PRDM4: variants seen among roughly 807,000 people sequenced by gnomAD.
The protein encoded by PRDM4 is PR/SET domain 4.
Under a neutral mutation model 62.3 loss-of-function variants are expected in PRDM4, and 38 were observed. The observed-to-expected ratio is 0.61, with a 90% CI of 0.47 to 0.80. The LOEUF is 0.80. Ranked by LOEUF, PRDM4 falls within the 30% of genes least tolerant of loss-of-function variation. The pLI, the probability that PRDM4 is intolerant of heterozygous loss-of-function variation, is 0.00. For missense variants in PRDM4, 858 were observed against 997.1 expected (o/e 0.86, Z 1.88); for synonymous variants, 339 against 348.2 (o/e 0.97, Z 0.30).
intron 2 of PRDM4, 22 bp downstream of exon 2, chr12:107,760,483 T>TC: frequency 6.2e-7 from 1 of 1,613,398 alleles, no homozygotes; most frequent in Non-Finnish European, 8.5e-7. Context: ...TCACCAGTGC[T>TC]GAAGCCCACC....
chr12:107,758,452 G>A (rs1464838676), intron 2 of PRDM4: 1 of 151,854 alleles, frequency 6.6e-6, no homozygotes, highest in Admixed American at 6.6e-5. Context: ...GTCTCCCTAT[G>A]TTGCCCAGGC....
intron 11 of PRDM4, among the ~76,000 whole-genome samples, chr12:107,736,320 T>C (rs925606456): frequency 6.6e-6 from 1 of 152,112 alleles, no homozygotes; most frequent in Admixed American, 6.5e-5. Flanking sequence ...AGGGGTCCTA[T>C]TTTAGATAAG....
At chr12:107,746,226 A>G (rs200886746) in intron 6 of PRDM4, 49 bp downstream of exon 6, 1 of 1,595,182 alleles carries the variant, frequency 6.3e-7, no homozygotes. Context: ...ACTCTACGCT[A>G]CAAAGGAAGA....
rs1206854027 is a variant in PRDM4 at position 107,734,512 on chromosome 12, T to A, written c.2104A>T (p.Ile702Phe). Reference sequence around the variant, plus strand: ...AGCTTATCACACTTGGGACACTTGATCTGGCGTTCTCTAAGAGGAACACAA... The same window carrying A: ...AGCTTATCACACTTGGGACACTTGAACTGGCGTTCTCTAAGAGGAACACAA... ...HVLIHTQERQIKCPKCDKLFL... is the reference protein window; with the variant it reads ...HVLIHTQERQFKCPKCDKLFL... Residue 702 changes from isoleucine to phenylalanine, a missense_variant, in exon 12 of 12, where the codon ATC becomes TTC. By Grantham distance (21) the Ile-to-Phe change is conservative. Coordinates refer to ENST00000228437, the MANE Select transcript of PRDM4 (RefSeq NM_012406.4). 2.5e-6 allele frequency: 4 copies of A among 1,609,820 alleles called. No homozygotes were observed. The highest frequency in any genetic ancestry group is 1.3e-5 in the African/African-American group (1 of 74,690).
chr12:107,739,288 G>A, intron 11 of PRDM4, 95 bp downstream of exon 11: 1 of 1,402,854 alleles, frequency 7.1e-7, no homozygotes, highest in Non-Finnish European at 9.8e-7. Flanking sequence ...AAACAGATGA[G>A]CCAGGACTCC....
chr12:107,734,350 T>C lies in PRDM4; in HGVS notation c.2266A>G (p.Thr756Ala), dbSNP rs769699258. The stretch of plus-strand genomic sequence containing the variant: ...TCCTCTGGTGCTGACGAACTGGAGG[T>C]GGGCCCTTTGCAGGTTTTCAGGTGG... ...TRHLKTCKGPTSSSSAPEEEE... is the reference protein window; with the variant it reads ...TRHLKTCKGPASSSSAPEEEE... Residue 756 changes from threonine (T) to alanine (A), a missense_variant, in exon 12 of 12, where the codon ACC (threonine) becomes GCC (alanine). Around this residue, in one of 3 missense-constraint regions of PRDM4, gnomAD observed 355 missense variants for 432.6 expected, o/e 0.82. Transcript: ENST00000228437. 33 of 1,614,036 alleles carry C rather than the reference T, an allele frequency of 2.0e-5. No homozygotes were observed. The East Asian group carries it at 7.1e-4, about 35-fold the overall frequency.
chr12:107,738,878 A>AAC (rs111582421), intron 11 of PRDM4, among the ~76,000 whole-genome samples: 8,300 of 146,908 alleles, frequency 0.056, 437 homozygotes, highest in African/African-American at 0.14. Context: ...AATTCAGACA[A>AAC]ACACACACAC....
At position 107,743,249 on chromosome 12, in the gene PRDM4, T is replaced by C. The variant is rs1890578921; in HGVS notation, c.1429A>G (p.Ile477Val). The C allele has an allele frequency of 1.2e-6, 2 of 1,613,516 alleles. No individual in the cohort carries two copies. The highest frequency in any genetic ancestry group is 1.7e-6 in the Non-Finnish European group (2 of 1,179,472). Residue 477 changes from isoleucine (I) to valine (V), a missense_variant, in exon 8 of 12, where the codon ATT (isoleucine) becomes GTT (valine). Physicochemically the swap from Ile to Val is conservative, Grantham distance 29. Around this residue, in one of 3 missense-constraint regions of PRDM4, gnomAD observed 355 missense variants for 432.6 expected, o/e 0.82. Coordinates refer to ENST00000228437, the MANE Select transcript of PRDM4 (RefSeq NM_012406.4). ...TTACATTCATTTTCATCAGTTGTAA[T>C]GATGCAGAATTCTAGGACACCATTG... is the stretch of plus-strand genomic sequence containing the variant. ...YHNGVLEFCI[I>V]TTDENECNWM...
In PRDM4 at chr12:107,752,002, G is replaced by A. The variant is rs776182952; in HGVS notation, c.539C>T (p.Pro180Leu). 1.9e-6 allele frequency: 3 copies of A among 1,614,186 alleles called. No individual in the cohort carries two copies. The highest frequency in any genetic ancestry group is 2.5e-6 in the Non-Finnish European group (3 of 1,180,014). ...VNTHGAQSLH[P>L]SDGHEVALDT... ...CAAGGCCACCTCATGGCCATCACTG[G>A]GATGAAGACTTTGGGCACCATGTGT... The change falls in exon 5 of 12, where the codon CCC becomes CTC. Residue 180 changes from proline (P) to leucine (L), a missense_variant. Around this residue, in one of 3 missense-constraint regions of PRDM4, gnomAD observed 499 missense variants for 546.7 expected, o/e 0.91. Transcript: ENST00000228437.
At chr12:107,739,264 G>T in intron 11 of PRDM4, 119 bp downstream of exon 11, 1 of 1,140,120 alleles carries the variant, frequency 8.8e-7, no homozygotes, top group Non-Finnish European at 1.2e-6. Context: ...CATCTACCAT[G>T]GTACCAAGGC....
At chr12:107,746,018 C>T (rs1340411498) in intron 6 of PRDM4, among the ~76,000 whole-genome samples, 2 of 152,136 alleles carry the variant, frequency 1.3e-5, no homozygotes, top group African/African-American at 4.8e-5. Context: ...AAAGTTAAAT[C>T]TTCAAAGACT....
chr12:107,756,896 C>T lies in PRDM4; in HGVS notation c.81G>A (p.Leu27=). ...ATCCCAGGTGACTTCCTGAGACTGGCAAGGCATTGCTCACAGAGGATGAAG... is the reference window on the plus strand; with the variant it reads ...ATCCCAGGTGACTTCCTGAGACTGGTAAGGCATTGCTCACAGAGGATGAAG... ...QLTSSSVSNA[L]PVSGSHLGLA... Residue 27 remains leucine (L), a synonymous_variant, in exon 3 of 12, where the codon TTG becomes TTA. Transcript: ENST00000228437. 5.0e-6 allele frequency: 8 copies of T among 1,614,156 alleles called. No homozygotes were observed. The African/African-American group carries it at 6.7e-5, about 13-fold the overall frequency.
chr12:107,756,261 A>C (rs1041633823), intron 3 of PRDM4, among the ~76,000 whole-genome samples: 5 of 151,076 alleles, frequency 3.3e-5, no homozygotes, highest in African/African-American at 1.2e-4. Flanking sequence ...CTCCATTTCA[A>C]AAAAAAAAGG....
At chr12:107,752,748 T>A (rs1890936046) in intron 4 of PRDM4, among the ~76,000 whole-genome samples, 2 of 152,218 alleles carry the variant, frequency 1.3e-5, no homozygotes, top group Non-Finnish European at 2.9e-5. Context: ...TGCTAAAACT[T>A]CTTTGTGAAG....
Position 107,734,034 on chromosome 12 carries a change from A to C in PRDM4, c.*176T>G, listed in dbSNP as rs1890247845. On this transcript the variant is annotated 3_prime_UTR_variant, in exon 12 of 12. Transcript: ENST00000228437. ...ATGCTCAGTTTTCCCAATCTGTTTT[A>C]AAGTGTTTTCATTAGGATACTCTTC... 3.1e-6 allele frequency: 2 copies of C among 653,590 alleles called. No homozygotes were observed. Among genetic ancestry groups the C allele is most frequent in the Non-Finnish European group, 5.0e-6 (2 of 398,812 alleles). The allele number at this position is 653,590 out of a possible 1,614,324, so 40.5% of individuals were successfully genotyped here.
chr12:107,757,605 G>C (rs569614949), intron 2 of PRDM4, among the ~76,000 whole-genome samples: 1 of 152,200 alleles, frequency 6.6e-6, no homozygotes, highest in Non-Finnish European at 1.5e-5. Context: ...TAAGATAGAT[G>C]AGGGAACTAT....
Position 107,751,571 on chromosome 12 carries a change from G to A in PRDM4, c.970C>T (p.Leu324=). The change falls in exon 5 of 12, where the codon CTA becomes TTA. Residue 324 remains leucine (L), a synonymous_variant. Coordinates refer to ENST00000228437, the MANE Select transcript of PRDM4 (RefSeq NM_012406.4). The part of the protein sequence containing the change: ...SVSLHEVGLS[L]EPVAVSSITQ... ...ATGGAGGAGACAGCCACAGGTTCTA[G>A]GCTGAGGCCAACTTCATGGAGGGAA... The A allele has an allele frequency of 6.2e-7, 1 of 1,613,362 alleles. No individual in the cohort carries two copies. The highest frequency in any genetic ancestry group is 1.7e-5 in the Admixed American group (1 of 60,024).
chr12:107,736,460 G>C (rs1890331769), intron 11 of PRDM4: 2 of 152,306 alleles, frequency 1.3e-5, no homozygotes, highest in African/African-American at 4.8e-5. Context: ...TGCTTAGTAT[G>C]CTCAAGGAGT....
intron 3 of PRDM4, 140 bp from the exon 4 acceptor site, chr12:107,754,249 A>G (rs1213828067): frequency 8.4e-6 from 5 of 594,780 alleles, no homozygotes; most frequent in Non-Finnish European, 1.4e-5. Context: ...TCCTTAGATA[A>G]TGTGCAAATA....
Sources: allele counts gnomAD v4.1 joint callset (sites outside exome capture counted in the v4.1 genomes callset), GRCh38; gene constraint gnomAD v4.1.1; regional missense constraint gnomAD v4.1.1; transcripts MANE v1.5; gene names NCBI Gene and HGNC (gene_info 2026-07-23, HGNC 2026-07-21).